Variants in DENND5B observed in about 807,000 individuals in gnomAD.
DENND5B encodes DENN domain containing 5B, also known as DENN domain-containing protein 5B.
Under a neutral mutation model 140.6 loss-of-function variants are expected in DENND5B, and 34 were observed. The ratio of observed to expected loss-of-function variants is 0.24; its 90% CI spans 0.18 to 0.32. The LOEUF is 0.32. Ranked by LOEUF, DENND5B falls within the 10% of genes least tolerant of loss-of-function variation. The pLI is 1.00. For missense variants in DENND5B, 1,142 were observed against 1,560.2 expected (o/e 0.73, Z 4.52); for synonymous variants, 551 against 562.1 (o/e 0.98, Z 0.28).
intron 1 of DENND5B, among the ~76,000 whole-genome samples, chr12:31,496,279 C>A (rs1438845725): frequency 6.6e-6 from 1 of 152,142 alleles, no homozygotes; most frequent in African/African-American, 2.4e-5. Flanking sequence ...TTAAGCTAAT[C>A]ATATGTCTTA....
chr12:31,535,626 A>G (rs576489304), intron 1 of DENND5B, among the ~76,000 whole-genome samples: 1 of 152,314 alleles, frequency 6.6e-6, no homozygotes, highest in South Asian at 2.1e-4. Context: ...GACACGGCTT[A>G]GATCTCAATA....
intron 1 of DENND5B, among the ~76,000 whole-genome samples, chr12:31,557,814 CAAAAAAA>C (rs71445804): frequency 0.042 from 3,392 of 81,030 alleles, 54 homozygotes; most frequent in Non-Finnish European, 0.061. Flanking sequence ...GCTGTGGTGG[CAAAAAAA>C]AAAAAAAAAA....
At chr12:31,427,648 G>A (rs1943310908) in intron 8 of DENND5B, among the ~76,000 whole-genome samples, 1 of 151,752 alleles carries the variant, frequency 6.6e-6, no homozygotes, top group African/African-American at 2.4e-5. Context: ...GTTTACATCA[G>A]GATCACAGGG....
intron 1 of DENND5B, among the ~76,000 whole-genome samples, chr12:31,511,248 C>A (rs908140722): frequency 6.6e-6 from 1 of 151,860 alleles, no homozygotes; most frequent in African/African-American, 2.4e-5. Flanking sequence ...CAAAAAAAAA[C>A]AAAGATTCTA....
intron 1 of DENND5B, among the ~76,000 whole-genome samples, chr12:31,505,174 TCTACATTGC>T (rs1947149655): frequency 6.6e-6 from 1 of 152,154 alleles, no homozygotes; most frequent in Non-Finnish European, 1.5e-5. Context: ...TTGGTAACTG[TCTACATTGC>T]TTGTTACATG....
intron 3 of DENND5B, among the ~76,000 whole-genome samples, chr12:31,473,256 C>T (rs1591863212): frequency 6.6e-6 from 1 of 152,126 alleles, no homozygotes; most frequent in Admixed American, 6.5e-5. Context: ...ACAGCCTTAA[C>T]GCAGGCTACA....
At chr12:31,435,168 A>G (rs935189604) in intron 7 of DENND5B, among the ~76,000 whole-genome samples, 2 of 151,708 alleles carry the variant, frequency 1.3e-5, no homozygotes, top group East Asian at 1.9e-4. Flanking sequence ...CTAGTTCCCA[A>G]TTTCTCTCAC....
chr12:31,487,958 T>C (rs909373166), intron 2 of DENND5B, among the ~76,000 whole-genome samples: 1 of 152,098 alleles, frequency 6.6e-6, no homozygotes, highest in Non-Finnish European at 1.5e-5. Flanking sequence ...TCTGTAATTC[T>C]TTTTTTGTCT....
intron 3 of DENND5B, among the ~76,000 whole-genome samples, chr12:31,469,065 T>C (rs369349556): frequency 1.3e-5 from 2 of 151,954 alleles, no homozygotes; most frequent in Admixed American, 1.3e-4. Context: ...GCCAGGTGCA[T>C]TGCCTCAGGT....
intron 11 of DENND5B, among the ~76,000 whole-genome samples, chr12:31,423,116 T>G (rs1205296763): frequency 6.6e-6 from 1 of 152,048 alleles, no homozygotes; most frequent in Non-Finnish European, 1.5e-5. Flanking sequence ...AATTTTTGCA[T>G]TTTTTGTAGA....
At chr12:31,393,316 G>A (rs1449495227) in intron 17 of DENND5B, among the ~76,000 whole-genome samples, 2 of 152,162 alleles carry the variant, frequency 1.3e-5, no homozygotes, top group Non-Finnish European at 2.9e-5. Context: ...TTTAAAATAA[G>A]GGGAAGATGC....
chr12:31,482,769 G>C (rs1946117609), intron 2 of DENND5B, among the ~76,000 whole-genome samples: 1 of 151,978 alleles, frequency 6.6e-6, no homozygotes, highest in South Asian at 2.1e-4. Flanking sequence ...CTCTTTTCTT[G>C]TCTGGATGTA....
At chr12:31,515,439 C>T (rs1447413016) in intron 1 of DENND5B, among the ~76,000 whole-genome samples, 1 of 151,922 alleles carries the variant, frequency 6.6e-6, no homozygotes, top group African/African-American at 2.4e-5. Flanking sequence ...TGAGAAATAA[C>T]CAGGGAAACT....
chr12:31,434,413 A>C (rs1050343483), intron 7 of DENND5B, among the ~76,000 whole-genome samples: 30 of 152,188 alleles, frequency 2.0e-4, no homozygotes, highest in African/African-American at 6.5e-4. Context: ...AGATGAGATC[A>C]GGTGCGTTCA....
intron 3 of DENND5B, among the ~76,000 whole-genome samples, chr12:31,470,695 A>G (rs529141951): frequency 1.3e-5 from 2 of 152,354 alleles, no homozygotes; most frequent in Admixed American, 1.3e-4. Flanking sequence ...GGAGTCTGAC[A>G]TTCAGTTAGG....
chr12:31,537,180 A>G (rs577436228), intron 1 of DENND5B, among the ~76,000 whole-genome samples: 2 of 152,266 alleles, frequency 1.3e-5, no homozygotes, highest in South Asian at 2.1e-4. Context: ...GAAACACAGA[A>G]TAACACTGTA....
chr12:31,496,490 A>G (rs1946765825), intron 1 of DENND5B, among the ~76,000 whole-genome samples: 1 of 152,196 alleles, frequency 6.6e-6, no homozygotes. Context: ...CTAACCTTTT[A>G]AAATAAATGA....
At position 31,553,461 on chromosome 12, in the gene DENND5B, T is replaced by C. The variant is rs12824875; in HGVS notation, c.127+37245A>G. On this transcript the variant is annotated intron_variant, in intron 1 of 20. Coordinates refer to ENST00000389082, the MANE Select transcript of DENND5B (RefSeq NM_144973.4). ...TATAATTTCTGTTCTTTTACATTTG[T>C]TGAGGAGTGCTTTACTTCCAACTAT... Among the ~76,000 whole-genome samples the C allele has an allele frequency of 3.3e-5, 5 of 152,208 alleles. No homozygotes were observed. In the East Asian group the frequency reaches 7.7e-4, roughly 24 times the overall value.
intron 1 of DENND5B, among the ~76,000 whole-genome samples, chr12:31,576,681 G>C (rs890310583): frequency 6.6e-6 from 1 of 151,754 alleles, no homozygotes; most frequent in Non-Finnish European, 1.5e-5. Flanking sequence ...TCAGGAGTTC[G>C]AGACCAGCTT....
Sources: gnomAD v4.1 joint callset for allele counts (sites outside exome capture counted in the v4.1 genomes callset) on GRCh38, gnomAD v4.1.1 for gene constraint, MANE v1.5 for transcripts, NCBI Gene and HGNC (gene_info 2026-07-23, HGNC 2026-07-21) for gene names.